Variants in CLEC2A observed in about 807,000 individuals in gnomAD.
CLEC2A encodes the protein keratinocyte-associated C-type lectin.
CLEC2A carries 19 observed loss-of-function variants against 18.6 expected under a neutral mutation model. The observed-to-expected ratio is 1.02, with a 90% CI of 0.71 to 1.50. The LOEUF (loss-of-function observed/expected upper bound fraction) is 1.50, where lower values mean the gene tolerates loss of function less well. Ranked by LOEUF, CLEC2A falls within the 40% of genes most tolerant of loss-of-function variation. The probability of loss-of-function intolerance (pLI) is 0.00; values close to 1 mark genes in which losing one functional copy is unlikely to be tolerated. For synonymous variants in CLEC2A, 74 were observed against 64.0 expected, an observed-to-expected ratio of 1.16 and a Z score of -0.75; for missense variants, 190 against 207.9, an observed-to-expected ratio of 0.91 and a Z score of 0.53.
At chr12:9,921,838 C>T (rs553874530) in intron 3 of CLEC2A, among the ~76,000 whole-genome samples, 2 of 151,992 alleles carry the variant, frequency 1.3e-5, no homozygotes, top group Non-Finnish European at 2.9e-5. Context: ...AAGTCTTCAT[C>T]CTCGTTGTTT....
At chr12:9,896,489 A>C (rs1862757270), downstream of CLEC2A, among the ~76,000 whole-genome samples, 1 of 152,056 alleles carries the variant, frequency 6.6e-6, no homozygotes, top group Admixed American at 6.5e-5. Context: ...CATGTAAATT[A>C]AGAATTGAAA....
chr12:9,923,002 CTCTG>C (rs1442964754), intron 2 of CLEC2A, among the ~76,000 whole-genome samples: 2 of 152,100 alleles, frequency 1.3e-5, no homozygotes, highest in Non-Finnish European at 2.9e-5. Flanking sequence ...TGTGTTTCAA[CTCTG>C]TCTCTGTGCT....
At chr12:9,922,548 G>C (rs572449134) in intron 2 of CLEC2A, among the ~76,000 whole-genome samples, 2 of 152,180 alleles carry the variant, frequency 1.3e-5, no homozygotes, top group African/African-American at 4.8e-5. Flanking sequence ...TCAAGGTAGA[G>C]TGCTGGAGAT....
intron 3 of CLEC2A, among the ~76,000 whole-genome samples, chr12:9,920,151 A>G (rs981665214): frequency 1.3e-5 from 2 of 152,176 alleles, no homozygotes; most frequent in East Asian, 1.9e-4. Flanking sequence ...AGTGGGTCCT[A>G]TCCTGTGAGA....
chr12:9,894,151 T>TCTCC (rs1395540481), downstream of CLEC2A, among the ~76,000 whole-genome samples: 1 of 147,470 alleles, frequency 6.8e-6, no homozygotes, highest in African/African-American at 2.5e-5. Flanking sequence ...TCTCTCTCTC[T>TCTCC]CTCCCTCCCT....
the CLEC2A span, among the ~76,000 whole-genome samples, chr12:9,884,609 T>C: frequency 0.019 from 2,802 of 148,562 alleles, 85 homozygotes; most frequent in African/African-American, 0.064. Flanking sequence ...ATTTATATTT[T>C]ATATAATATG....
At position 9,919,663 on chromosome 12, in the gene CLEC2A, C is replaced by T. The variant is rs140759781; in HGVS notation, c.306+2403G>A. 6.4e-3 allele frequency among the ~76,000 whole-genome samples: 975 copies of T among 152,294 alleles called. 18 individuals carry two copies. The highest frequency in any genetic ancestry group is 0.022 in the African/African-American group (931 of 41,560). ...TGGTGAGGAGACAAGGAGATGGGCA[C>T]TCATGTAACAGTCTGGCCACTTTAT... is the stretch of plus-strand genomic sequence containing the variant. On this transcript the variant is annotated intron_variant, in intron 3 of 4. Transcript: ENST00000455827.
chr12:9,901,979 A>G (rs1862834954), intron 4 of CLEC2A, among the ~76,000 whole-genome samples: 1 of 152,276 alleles, frequency 6.6e-6, no homozygotes, highest in African/African-American at 2.4e-5. Flanking sequence ...AATTTTCACA[A>G]TTCTTCCACC....
chr12:9,912,219 C>G (rs993545849), downstream of CLEC2A, among the ~76,000 whole-genome samples: 1 of 152,122 alleles, frequency 6.6e-6, no homozygotes, highest in African/African-American at 2.4e-5. Flanking sequence ...TAATTTTCAT[C>G]CAATAAAGCT....
At chr12:9,884,817 A>G in the CLEC2A span, 1 of 387,920 alleles carries the variant, frequency 2.6e-6, no homozygotes, top group Non-Finnish European at 4.5e-6. Flanking sequence ...TTTTCATTTA[A>G]TCATAAATTC....
chr12:9,921,842 G>A (rs541249367), intron 3 of CLEC2A, among the ~76,000 whole-genome samples: 3 of 152,180 alleles, frequency 2.0e-5, no homozygotes, highest in African/African-American at 7.2e-5. Flanking sequence ...CTTCATCCTC[G>A]TTGTTTTCAT....
the CLEC2A span, among the ~76,000 whole-genome samples, chr12:9,879,743 T>C: frequency 6.6e-6 from 1 of 152,248 alleles, no homozygotes; most frequent in Non-Finnish European, 1.5e-5. Context: ...TACATATTTT[T>C]ATAAGACATA....
rs551614969 is a variant in CLEC2A at position 9,920,203 on chromosome 12, C to T, written c.306+1863G>A. 5.9e-5 allele frequency among the ~76,000 whole-genome samples: 9 copies of T among 152,306 alleles called. No homozygotes were observed. In the South Asian group the frequency reaches 1.9e-3, roughly 32 times the overall value. ...CCTGCAGAATGTCGCTGCTCAGCCT[C>T]CTGGATTCAGCCCCTTTACTAGGGA... On this transcript the variant is annotated intron_variant, in intron 3 of 4. Coordinates refer to ENST00000455827, the MANE Select transcript of CLEC2A (RefSeq NM_001130711.2).
intron 3 of CLEC2A, among the ~76,000 whole-genome samples, chr12:9,917,652 T>C (rs892449025): frequency 1.3e-5 from 2 of 152,190 alleles, no homozygotes; most frequent in South Asian, 4.1e-4. Flanking sequence ...ACCATTGTTG[T>C]TCTGGTTTTA....
the CLEC2A span, chr12:9,893,465 G>T: frequency 6.6e-7 from 1 of 1,511,306 alleles, no homozygotes; most frequent in Non-Finnish European, 8.9e-7. Context: ...TGGACATTTT[G>T]GTTGGATTGG....
chr12:9,896,101 A>T (rs890855973), downstream of CLEC2A, among the ~76,000 whole-genome samples: 13 of 152,246 alleles, frequency 8.5e-5, no homozygotes, highest in Non-Finnish European at 1.6e-4. Flanking sequence ...GTTATTTAAT[A>T]GTTTGATTTT....
chr12:9,899,698 G>A (rs1862799821), intron 4 of CLEC2A, among the ~76,000 whole-genome samples: 1 of 152,190 alleles, frequency 6.6e-6, no homozygotes, highest in South Asian at 2.1e-4. Context: ...TCTAACCTAT[G>A]TCTCTTTCCC....
chr12:9,908,751 T>G (rs1160718751), downstream of CLEC2A, among the ~76,000 whole-genome samples: 1 of 152,188 alleles, frequency 6.6e-6, no homozygotes, highest in Non-Finnish European at 1.5e-5. Context: ...TTCTCTGTTT[T>G]GGGATTCTTT....
At position 9,932,320 on chromosome 12, in the gene CLEC2A, G is replaced by T. The variant is rs1247492735; in HGVS notation, c.10C>A (p.Pro4Thr). The change falls in exon 1 of 5, where the codon CCA (proline) becomes ACA (threonine). Residue 4 changes from proline (P) to threonine (T), a missense_variant. Transcript: ENST00000455827. ...TCAGCTCTGCCATCCCGCAGCTCTG[G>T]ATTAATCATGGCAAGGCGCTAACCG... MINPELRDGRADGF... is the reference protein window; with the variant it reads MINTELRDGRADGF... 6.4e-7 allele frequency: 1 copy of T among 1,551,860 alleles called. No individual in the cohort carries two copies. Among genetic ancestry groups the T allele is most frequent in the Non-Finnish European group, 8.7e-7 (1 of 1,147,000 alleles).
Sources: allele counts gnomAD v4.1 joint callset (sites outside exome capture counted in the v4.1 genomes callset), GRCh38; gene constraint gnomAD v4.1.1; transcripts MANE v1.5; gene names NCBI Gene and HGNC (gene_info 2026-07-23, HGNC 2026-07-21).